IL1R2: variants seen among roughly 807,000 people sequenced by gnomAD.
IL1R2 encodes the protein interleukin 1 receptor type 2.
Under a neutral mutation model 39.5 loss-of-function variants are expected in IL1R2, and 46 were observed. The ratio of observed to expected loss-of-function variants is 1.16; its 90% CI spans 0.92 to 1.49. IL1R2 has a LOEUF of 1.49. Among genes scored for constraint, IL1R2 ranks in the 40% most tolerant of loss-of-function variants. IL1R2 has a pLI of 0.00. For synonymous variants in IL1R2, 207 were observed against 189.6 expected (o/e 1.09, Z -0.75); for missense variants, 537 against 502.0 (o/e 1.07, Z -0.67).
intron 1 of IL1R2, among the ~76,000 whole-genome samples, chr2:102,004,021 C>CTATGTT (rs1676106842): frequency 7.0e-6 from 1 of 142,172 alleles, no homozygotes; most frequent in South Asian, 2.1e-4. Context: ...ATGTCTATGT[C>CTATGTT]TATGTCTATG....
rs1676507307 is a variant in IL1R2 at position 102,009,822 on chromosome 2, A to G, written c.328A>G (p.Thr110Ala). The change falls in exon 3 of 9, where the codon ACT becomes GCT. Residue 110 changes from threonine (T) to alanine (A), a missense_variant. By Grantham distance (58) the Thr-to-Ala change is moderately conservative. Coordinates refer to ENST00000332549, the MANE Select transcript of IL1R2 (RefSeq NM_004633.4). ...QEDSGTYVCT[T>A]RNASYCDKMS... is the part of the protein sequence containing the mutation. ...GGACTCTGGCACCTACGTCTGCACT[A>G]CTAGGTAAGTCTCCCTGTGCGGGGC... 6.2e-7 allele frequency: 1 copy of G among 1,613,970 alleles called. No individual in the cohort carries two copies. The highest frequency in any genetic ancestry group is 1.1e-5 in the South Asian group (1 of 91,080).
At chr2:102,023,973 G>A (rs3218970) in intron 6 of IL1R2, among the ~76,000 whole-genome samples, 1 of 151,484 alleles carries the variant, frequency 6.6e-6, no homozygotes, top group Non-Finnish European at 1.5e-5. Context: ...GGCGTGAACC[G>A]GGGAGGCGGA....
At chr2:102,004,612 G>T (rs1025413279) in intron 1 of IL1R2, among the ~76,000 whole-genome samples, 1 of 152,078 alleles carries the variant, frequency 6.6e-6, no homozygotes, top group African/African-American at 2.4e-5. Context: ...CAAGTTGTCT[G>T]TGATTTAAAA....
intron 7 of IL1R2, 142 bp downstream of exon 7, chr2:102,024,810 T>A: frequency 9.4e-7 from 1 of 1,061,276 alleles, no homozygotes; most frequent in Non-Finnish European, 1.3e-6. Context: ...TTTAAAAAAT[T>A]GTATTTTGCT....
intron 3 of IL1R2, among the ~76,000 whole-genome samples, chr2:102,010,463 C>T (rs535711195): frequency 7.4e-4 from 112 of 151,996 alleles, no homozygotes; most frequent in Middle Eastern, 3.4e-3. Flanking sequence ...GTAGTCCCAG[C>T]TACTCAGGAG....
rs747233440 is a variant in IL1R2, at chr2:102,009,641, G to A, written c.147G>A (p.Arg49=). The change falls in exon 3 of 9, where the codon AGG becomes AGA. Residue 49 remains arginine, a synonymous_variant. Transcript: ENST00000332549. The part of the protein sequence containing the change: ...FRLEGEPVAL[R]CPQVPYWLWA... ...TGGAAGGGGAGCCTGTAGCCCTGAG[G>A]TGCCCCCAGGTGCCCTACTGGTTGT... 5.6e-6 allele frequency: 9 copies of A among 1,614,064 alleles called. No individual in the cohort carries two copies. Among genetic ancestry groups the A allele is most frequent in the Non-Finnish European group, 7.6e-6 (9 of 1,180,042 alleles).
rs114795916 is a variant in IL1R2 at position 101,994,481 on chromosome 2, C to T, written c.-62+2470C>T. On this transcript the variant is annotated intron_variant, in intron 1 of 8. Coordinates refer to ENST00000332549, the MANE Select transcript of IL1R2 (RefSeq NM_004633.4). ...GCCCAGTGGTTCTCAAACTTGAGCC[C>T]GCATCAGAATCACTGGTGGGCTTAT... Among the ~76,000 whole-genome samples the T allele has an allele frequency of 2.7e-3, 404 of 152,264 alleles. 2 individuals carry two copies. The highest frequency in any genetic ancestry group is 9.3e-3 in the African/African-American group (388 of 41,544).
At chr2:102,009,492 G>A in intron 2 of IL1R2, 70 bp from the exon 3 acceptor site, 2 of 1,517,770 alleles carry the variant, frequency 1.3e-6, no homozygotes, top group Non-Finnish European at 1.8e-6. Context: ...TCAGTCCCAG[G>A]TGCAGGGAGG....
chr2:102,011,328 G>A (rs1213453141), intron 3 of IL1R2, among the ~76,000 whole-genome samples: 1 of 152,142 alleles, frequency 6.6e-6, no homozygotes, highest in African/African-American at 2.4e-5. Flanking sequence ...TTTCCATAGT[G>A]GCTGTACCAT....
intron 1 of IL1R2, among the ~76,000 whole-genome samples, chr2:101,994,251 C>T (rs1005424870): frequency 6.6e-6 from 1 of 152,108 alleles, no homozygotes; most frequent in African/African-American, 2.4e-5. Flanking sequence ...CATCCCCACT[C>T]CCACCCCGAC....
intron 1 of IL1R2, 163 bp downstream of exon 1, chr2:101,992,174 A>AAG (rs1577667650): frequency 6.6e-6 from 1 of 151,970 alleles, no homozygotes; most frequent in Non-Finnish European, 1.5e-5. Flanking sequence ...AGGCAGAGAG[A>AAG]AGAGAGAGAG....
intron 3 of IL1R2, among the ~76,000 whole-genome samples, chr2:102,013,745 A>T (rs1676813656): frequency 6.6e-6 from 1 of 152,110 alleles, no homozygotes; most frequent in Non-Finnish European, 1.5e-5. Context: ...AGGCTGAAGG[A>T]GCAGTCACAG....
intron 1 of IL1R2, among the ~76,000 whole-genome samples, chr2:101,992,517 GCAGAGAGACAGAGATGGAGAGAGA>G (rs1675393820): frequency 7.2e-6 from 1 of 138,286 alleles, no homozygotes; most frequent in Non-Finnish European, 1.6e-5. Flanking sequence ...ACAGAGAGAG[GCAGAGAGACAGAGATGGAGAGAGA>G]CAGAGAGAGG....
At chr2:101,994,619 T>A (rs892416239) in intron 1 of IL1R2, among the ~76,000 whole-genome samples, 2 of 152,208 alleles carry the variant, frequency 1.3e-5, no homozygotes, top group Non-Finnish European at 2.9e-5. Flanking sequence ...GGGACCACAC[T>A]TTGAGAACCC....
intron 4 of IL1R2, among the ~76,000 whole-genome samples, chr2:102,019,355 T>C (rs1677211111): frequency 6.6e-6 from 1 of 152,242 alleles, no homozygotes; most frequent in South Asian, 2.1e-4. Context: ...TTAGATGGCT[T>C]ACTTTGTCAA....
chr2:101,993,601 T>C (rs1282425501), intron 1 of IL1R2, among the ~76,000 whole-genome samples: 1 of 152,200 alleles, frequency 6.6e-6, no homozygotes, highest in African/African-American at 2.4e-5. Flanking sequence ...TCTCTGTCTC[T>C]GTTTCTCTCT....
At chr2:102,012,830 T>C (rs981242318) in intron 3 of IL1R2, among the ~76,000 whole-genome samples, 1 of 152,222 alleles carries the variant, frequency 6.6e-6, no homozygotes, top group Admixed American at 6.5e-5. Flanking sequence ...GAAAACTTCA[T>C]AGCATAGTAA....
chr2:102,004,243 T>C (rs1250120094), intron 1 of IL1R2, among the ~76,000 whole-genome samples: 2 of 152,184 alleles, frequency 1.3e-5, no homozygotes, highest in African/African-American at 4.8e-5. Flanking sequence ...TTTTAGGCTA[T>C]ATGTACTGTC....
Position 102,008,549 on chromosome 2 carries a change from C to T in IL1R2, c.-27C>T, listed in dbSNP as rs1244209554. On this transcript the variant is annotated 5_prime_UTR_variant, in exon 2 of 9. Transcript: ENST00000332549. ...TGCTGGGTCTCAGTCCTCCACTTCC[C>T]GTGTCCTCTGGAAGTTGTCAGGAGC... 8.8e-6 allele frequency: 14 copies of T among 1,599,746 alleles called. No individual in the cohort carries two copies. Among genetic ancestry groups the T allele is most frequent in the African/African-American group, 2.7e-5 (2 of 74,628 alleles).
Sources: allele counts gnomAD v4.1 joint callset (sites outside exome capture counted in the v4.1 genomes callset), GRCh38; gene constraint gnomAD v4.1.1; transcripts MANE v1.5; gene names NCBI Gene and HGNC (gene_info 2026-07-23, HGNC 2026-07-21).